ARHGAP24: variants seen among roughly 807,000 people sequenced by gnomAD.
ARHGAP24 encodes the protein Rho GTPase activating protein 24, also known as rho GTPase-activating protein 24.
A neutral mutation model predicts 76.4 loss-of-function variants in ARHGAP24; 50 were observed. That is an observed-to-expected ratio of 0.65 (90% CI 0.52 to 0.83). The LOEUF is 0.83. Among genes scored for constraint, ARHGAP24 ranks in the 40% least tolerant of loss-of-function variants. ARHGAP24 has a pLI of 0.00. For synonymous variants in ARHGAP24, 345 were observed against 323.3 expected (o/e 1.07, Z -0.72); for missense variants, 930 against 914.2 (o/e 1.02, Z -0.22).
intron 2 of ARHGAP24, among the ~76,000 whole-genome samples, chr4:85,675,747 T>C (rs1395252849): frequency 1.3e-5 from 2 of 152,214 alleles, no homozygotes; most frequent in African/African-American, 4.8e-5. Flanking sequence ...TGAGCTTCAG[T>C]TGGCTTGTAG....
At chr4:85,629,845 T>C (rs1176043313) in intron 2 of ARHGAP24, among the ~76,000 whole-genome samples, 1 of 151,638 alleles carries the variant, frequency 6.6e-6, no homozygotes, top group East Asian at 1.9e-4. Context: ...ATCTATTAGG[T>C]GTTGTTTGGG....
intron 3 of ARHGAP24, among the ~76,000 whole-genome samples, chr4:85,801,267 T>G (rs1371496143): frequency 6.6e-6 from 1 of 152,228 alleles, no homozygotes; most frequent in Non-Finnish European, 1.5e-5. Flanking sequence ...TAGAAGGGTC[T>G]GTGCCCTACA....
chr4:85,781,091 A>G (rs1049499069), intron 3 of ARHGAP24, among the ~76,000 whole-genome samples: 1 of 152,260 alleles, frequency 6.6e-6, no homozygotes, highest in African/African-American at 2.4e-5. Context: ...GGAAAAAAAT[A>G]TTCATTTTCT....
intron 2 of ARHGAP24, among the ~76,000 whole-genome samples, chr4:85,703,395 G>T (rs2110028211): frequency 6.6e-6 from 1 of 152,208 alleles, no homozygotes; most frequent in Non-Finnish European, 1.5e-5. Flanking sequence ...TGACTTGGCT[G>T]GCAGCAGTGG....
chr4:85,487,651 T>C (rs1344985889), intron 1 of ARHGAP24, among the ~76,000 whole-genome samples: 1 of 107,708 alleles, frequency 9.3e-6, no homozygotes, highest in Non-Finnish European at 1.6e-5. Context: ...AACATATATT[T>C]ATTACATATT....
At chr4:85,973,417 A>G (rs1454911922) in intron 6 of ARHGAP24, among the ~76,000 whole-genome samples, 1 of 152,170 alleles carries the variant, frequency 6.6e-6, no homozygotes, top group Non-Finnish European at 1.5e-5. Context: ...AAGAGTTTAT[A>G]TAGTTTAGAT....
At chr4:85,667,454 G>A (rs1469687614) in intron 2 of ARHGAP24, among the ~76,000 whole-genome samples, 1 of 152,154 alleles carries the variant, frequency 6.6e-6, no homozygotes, top group East Asian at 1.9e-4. Flanking sequence ...TGCTTCCTGA[G>A]GGAGGCAATG....
chr4:85,667,327 G>A (rs918260747), intron 2 of ARHGAP24, among the ~76,000 whole-genome samples: 1 of 152,138 alleles, frequency 6.6e-6, no homozygotes, highest in Non-Finnish European at 1.5e-5. Context: ...ATCTCCTGGT[G>A]CGCCATTTTT....
chr4:85,926,874 A>C (rs564395059), intron 4 of ARHGAP24, among the ~76,000 whole-genome samples: 2 of 152,202 alleles, frequency 1.3e-5, no homozygotes, highest in Non-Finnish European at 2.9e-5. Flanking sequence ...CCTGCTTTAT[A>C]GCAAAATAGT....
chr4:85,862,874 T>A (rs1328900252), intron 3 of ARHGAP24, among the ~76,000 whole-genome samples: 2 of 152,182 alleles, frequency 1.3e-5, no homozygotes, highest in East Asian at 3.8e-4. Context: ...TTTCTTTGTT[T>A]ATTGCTATTA....
chr4:85,676,159 A>G (rs1201532138), intron 2 of ARHGAP24, among the ~76,000 whole-genome samples: 2 of 151,592 alleles, frequency 1.3e-5, no homozygotes, highest in South Asian at 2.1e-4. Flanking sequence ...TGAACAAGAT[A>G]ATTCATCTCA....
At chr4:85,608,830 G>A (rs1720292893) in intron 2 of ARHGAP24, among the ~76,000 whole-genome samples, 1 of 152,044 alleles carries the variant, frequency 6.6e-6, no homozygotes, top group African/African-American at 2.4e-5. Context: ...AAAGTGTTGG[G>A]ATTACAGGCA....
At chr4:85,660,938 T>G (rs149742031) in intron 2 of ARHGAP24, among the ~76,000 whole-genome samples, 3 of 152,286 alleles carry the variant, frequency 2.0e-5, no homozygotes, top group African/African-American at 7.2e-5. Flanking sequence ...CTTACACCAC[T>G]TTCATTAAAA....
chr4:85,768,580 C>T (rs1578210022), intron 3 of ARHGAP24, among the ~76,000 whole-genome samples: 2 of 151,870 alleles, frequency 1.3e-5, no homozygotes, highest in Admixed American at 1.3e-4. Context: ...CTACTAAAAA[C>T]ACAAAAATTA....
At chr4:85,748,732 A>G (rs1221019355) in intron 3 of ARHGAP24, among the ~76,000 whole-genome samples, 3 of 152,242 alleles carry the variant, frequency 2.0e-5, no homozygotes, top group Non-Finnish European at 4.4e-5. Context: ...ATGCAGAAAG[A>G]CAGTATTTCC....
At chr4:85,523,705 T>C (rs2110112467) in intron 1 of ARHGAP24, among the ~76,000 whole-genome samples, 1 of 152,236 alleles carries the variant, frequency 6.6e-6, no homozygotes, top group East Asian at 1.9e-4. Context: ...TAAGTGTACA[T>C]ATCACCTATA....
rs544461727 is a variant in ARHGAP24, at chr4:85,988,307, C to A, written c.929-6276C>A. Among the ~76,000 whole-genome samples, 218 of 151,604 alleles carry A rather than the reference C, an allele frequency of 1.4e-3. 1 individual carries two copies. The highest frequency in any genetic ancestry group is 4.4e-3 in the African/African-American group (181 of 41,450). On this transcript the variant is annotated intron_variant, in intron 8 of 9. Transcript: ENST00000395184. Reference sequence around the variant, plus strand: ...AATAATATTTTTTCTTATTATTAATCTCATTAAAAGATAACCTGTTGTATA... The same window carrying A: ...AATAATATTTTTTCTTATTATTAATATCATTAAAAGATAACCTGTTGTATA...
chr4:85,725,362 G>A (rs909163348), intron 3 of ARHGAP24, among the ~76,000 whole-genome samples: 1 of 152,116 alleles, frequency 6.6e-6, no homozygotes, highest in African/African-American at 2.4e-5. Flanking sequence ...ATATGAAACT[G>A]CCCCCACTCT....
chr4:85,763,083 TG>T (rs1726791872), intron 3 of ARHGAP24, among the ~76,000 whole-genome samples: 1 of 152,194 alleles, frequency 6.6e-6, no homozygotes, highest in Admixed American at 6.5e-5. Flanking sequence ...ATTAGTATTT[TG>T]GATATATATC....
Sources: gnomAD v4.1 joint callset for allele counts (sites outside exome capture counted in the v4.1 genomes callset) on GRCh38, gnomAD v4.1.1 for gene constraint, MANE v1.5 for transcripts, NCBI Gene and HGNC (gene_info 2026-07-23, HGNC 2026-07-21) for gene names.